LMBR1: variants seen among roughly 807,000 people sequenced by gnomAD.
The protein encoded by LMBR1 is limb region 1 protein homolog.
A neutral mutation model predicts 73.9 loss-of-function variants in LMBR1; 52 were observed. The observed-to-expected ratio is 0.70, with a 90% CI of 0.56 to 0.89. The LOEUF (loss-of-function observed/expected upper bound fraction) is 0.89. Ranked by LOEUF, LMBR1 falls within the 40% of genes least tolerant of loss-of-function variation. The pLI is 0.00. For missense variants in LMBR1, 539 were observed against 579.8 expected (o/e 0.93, Z 0.72); for synonymous variants, 215 against 209.4 (o/e 1.03, Z -0.23).
chr7:156,725,095 G>T (rs79956113), intron 14 of LMBR1, among the ~76,000 whole-genome samples: 1,782 of 152,232 alleles, frequency 0.012, 22 homozygotes, highest in Middle Eastern at 0.034. Context: ...AAGTTCTTCA[G>T]ACTTCAAACA....
intron 1 of LMBR1, among the ~76,000 whole-genome samples, chr7:156,873,718 A>C (rs1410834809): frequency 6.6e-6 from 1 of 151,812 alleles, no homozygotes; most frequent in Non-Finnish European, 1.5e-5. Context: ...TGCATTCACA[A>C]ACCTTGAGCT....
At chr7:156,716,455 A>G (rs769118562) in intron 15 of LMBR1, among the ~76,000 whole-genome samples, 1 of 152,212 alleles carries the variant, frequency 6.6e-6, no homozygotes, top group East Asian at 1.9e-4. Flanking sequence ...AAATCCAATG[A>G]AAGAGAATTA....
intron 15 of LMBR1, among the ~76,000 whole-genome samples, chr7:156,690,441 A>G (rs142961791): frequency 6.6e-6 from 1 of 152,298 alleles, no homozygotes; most frequent in Non-Finnish European, 1.5e-5. Flanking sequence ...CCTGTGTCCT[A>G]CGTTGTGACA....
intron 3 of LMBR1, among the ~76,000 whole-genome samples, chr7:156,829,686 C>T (rs774251666): frequency 2.0e-5 from 3 of 152,190 alleles, no homozygotes; most frequent in Non-Finnish European, 2.9e-5. Context: ...GGCCCTGCTG[C>T]TCCTCATTCC....
At position 156,701,329 on chromosome 7, in the gene LMBR1, T is replaced by C. The variant is rs566403022; in HGVS notation, c.1226-13138A>G. On this transcript the variant is annotated intron_variant, in intron 15 of 16. Transcript: ENST00000353442. The stretch of plus-strand genomic sequence containing the variant: ...TCCAATGGGTGAACAGATAAACAAA[T>C]TGTGATATATACATACAAGAGAGTA... 5.3e-5 allele frequency among the ~76,000 whole-genome samples: 8 copies of C among 152,272 alleles called. No individual in the cohort carries two copies. The East Asian group carries it at 1.2e-3, about 22-fold the overall frequency.
Position 156,683,845 on chromosome 7 carries a change from G to A in LMBR1, c.*233C>T, listed in dbSNP as rs1805457679. 2.1e-6 allele frequency: 1 copy of A among 481,884 alleles called. No homozygotes were observed. The highest frequency in any genetic ancestry group is 3.7e-6 in the Non-Finnish European group (1 of 273,676). 29.9% of individuals were successfully genotyped at this position (481,884 alleles called of 1,614,324 possible). ...TACAGAAGAATGCGCTGTTCTATAT[G>A]TCTGTAAGGAATCTGCACTTAACTG... On this transcript the variant is annotated 3_prime_UTR_variant, in exon 17 of 17. Transcript: ENST00000353442.
At chr7:156,794,832 A>G (rs1031290197) in intron 5 of LMBR1, among the ~76,000 whole-genome samples, 1 of 152,090 alleles carries the variant, frequency 6.6e-6, no homozygotes, top group African/African-American at 2.4e-5. Context: ...TCTACAGATC[A>G]GTGTTCTGCA....
rs138388835 is a variant in LMBR1 at position 156,687,018 on chromosome 7, T to G, written c.1387+1012A>C. 1.8e-4 allele frequency among the ~76,000 whole-genome samples: 27 copies of G among 152,322 alleles called. No individual in the cohort carries two copies. The East Asian group carries it at 5.2e-3, about 29-fold the overall frequency. ...TGAGCCATCCCCTCCCAGGGCATATTCAAAGTAAAATACATATGGACAGCT... is the reference window on the plus strand; with the variant it reads ...TGAGCCATCCCCTCCCAGGGCATATGCAAAGTAAAATACATATGGACAGCT... On this transcript the variant is annotated intron_variant, in intron 16 of 16. Transcript: ENST00000353442.
intron 9 of LMBR1, among the ~76,000 whole-genome samples, chr7:156,736,926 A>G (rs1028728469): frequency 6.6e-6 from 1 of 152,166 alleles, no homozygotes; most frequent in Admixed American, 6.5e-5. Flanking sequence ...CAGTTATACT[A>G]TCAACTTCAC....
intron 1 of LMBR1, among the ~76,000 whole-genome samples, chr7:156,841,965 T>C (rs1030616653): frequency 3.6e-5 from 5 of 140,378 alleles, no homozygotes; most frequent in Non-Finnish European, 8.1e-5. Flanking sequence ...ATTGCTGAAG[T>C]TATGTGCTCA....
At chr7:156,807,262 C>T (rs1585927092) in intron 4 of LMBR1, among the ~76,000 whole-genome samples, 2 of 152,102 alleles carry the variant, frequency 1.3e-5, no homozygotes, top group South Asian at 2.1e-4. Context: ...GAAATGTTCC[C>T]ACATCTTCAA....
At chr7:156,671,884 G>C (rs7803361) in intron 4 of LMBR1, among the ~76,000 whole-genome samples, 1 of 151,918 alleles carries the variant, frequency 6.6e-6, no homozygotes, top group Admixed American at 6.6e-5. Context: ...GAAAATAAAC[G>C]GTTCTAAATA....
chr7:156,732,183 A>G (rs1585430871), intron 10 of LMBR1, among the ~76,000 whole-genome samples: 1 of 152,130 alleles, frequency 6.6e-6, no homozygotes. Context: ...AACAATTAAG[A>G]AACCAAAAAG....
intron 5 of LMBR1, among the ~76,000 whole-genome samples, chr7:156,792,915 GA>G (rs76982808): frequency 0.16 from 20,877 of 127,426 alleles, 1,706 homozygotes; most frequent in East Asian, 0.31. Context: ...GTGGCCACAG[GA>G]AAAAAAAAAA....
Position 156,724,232 on chromosome 7 carries a change from C to A in LMBR1, c.1159-54G>T. The A allele has an allele frequency of 2.3e-6, 3 of 1,321,172 alleles. No individual in the cohort carries two copies. The South Asian group carries it at 3.7e-5, about 16-fold the overall frequency. 81.8% of individuals were successfully genotyped at this position (1,321,172 alleles called of 1,614,324 possible). ...GGCAGTTAAACAGCAGGATGACAAT[C>A]AAACCCAGTAACATTCTGAGAAATG... On this transcript the variant is annotated intron_variant, in intron 14 of 16. Transcript: ENST00000353442.
chr7:156,758,824 C>T (rs1035575643), intron 8 of LMBR1, among the ~76,000 whole-genome samples: 1 of 152,184 alleles, frequency 6.6e-6, no homozygotes, highest in Admixed American at 6.5e-5. Flanking sequence ...TAGACTAATG[C>T]AGTGACAATG....
At chr7:156,868,569 A>C (rs1484094989) in intron 1 of LMBR1, among the ~76,000 whole-genome samples, 2 of 152,014 alleles carry the variant, frequency 1.3e-5, no homozygotes, top group African/African-American at 2.4e-5. Flanking sequence ...ATGCTGAGTC[A>C]GGAGAATTGC....
At chr7:156,695,580 C>T (rs563937522) in intron 15 of LMBR1, among the ~76,000 whole-genome samples, 17 of 152,184 alleles carry the variant, frequency 1.1e-4, no homozygotes, top group Admixed American at 7.2e-4. Context: ...CCAGGTCTCA[C>T]AATAACTCAC....
At chr7:156,793,886 C>A (rs1162422047) in intron 5 of LMBR1, among the ~76,000 whole-genome samples, 1 of 151,924 alleles carries the variant, frequency 6.6e-6, no homozygotes, top group African/African-American at 2.4e-5. Flanking sequence ...AGAAAGCAAC[C>A]CCGCGGTTTA....
Sources: allele counts gnomAD v4.1 joint callset (sites outside exome capture counted in the v4.1 genomes callset), GRCh38; gene constraint gnomAD v4.1.1; transcripts MANE v1.5; gene names NCBI Gene and HGNC (gene_info 2026-07-23, HGNC 2026-07-21).